The following LSM8 variants were observed in gnomAD, a reference collection of about 807,000 sequenced individuals.
The protein encoded by LSM8 is LSM8 homolog, U6 small nuclear RNA associated, also known as LSM8 U6 small nuclear RNA associated.
In LSM8, 14 loss-of-function variants were observed where a neutral mutation model predicts 15.0. The observed-to-expected ratio is 0.93, with a 90% CI of 0.62 to 1.46. The LOEUF is 1.46. LSM8 is among the 40% of genes most tolerant of loss of function. The pLI, the probability that LSM8 is intolerant of heterozygous loss-of-function variation, is 0.00. For missense variants in LSM8, 90 were observed against 115.4 expected, an observed-to-expected ratio of 0.78 and a Z score of 1.01; for synonymous variants, 50 against 42.1, an observed-to-expected ratio of 1.19 and a Z score of -0.73.
At position 118,198,506 on chromosome 7, in the gene LSM8, T is replaced by C. The variant is rs1357683895; in HGVS notation, c.*6504T>C. 6.6e-6 allele frequency among the ~76,000 whole-genome samples: 1 copy of C among 152,174 alleles called. No individual in the cohort carries two copies. Among genetic ancestry groups the C allele is most frequent in the African/African-American group, 2.4e-5 (1 of 41,452 alleles). On this transcript the variant is annotated 3_prime_UTR_variant, in exon 4 of 4. Transcript: ENST00000249299. Reference sequence around the variant, plus strand: ...ATGACATGCCCGGTAAACTGGTGTTTGAAGGCAATATATAAAAGCTTCCCA... The same window carrying C: ...ATGACATGCCCGGTAAACTGGTGTTCGAAGGCAATATATAAAAGCTTCCCA...
At position 118,202,275 on chromosome 7, in the gene LSM8, G is replaced by C. The variant is rs1809183177; in HGVS notation, c.*10273G>C. ...AGTACATCAGTTAGAATGGTATTTGGCTATAAGCACTGGAAACTCTGACTG... is the reference window on the plus strand; with the variant it reads ...AGTACATCAGTTAGAATGGTATTTGCCTATAAGCACTGGAAACTCTGACTG... On this transcript the variant is annotated 3_prime_UTR_variant, in exon 4 of 4. Transcript: ENST00000249299. Among the ~76,000 whole-genome samples, 1 of 152,014 alleles carries C rather than the reference G, an allele frequency of 6.6e-6. No homozygotes were observed. Among genetic ancestry groups the C allele is most frequent in the Non-Finnish European group, 1.5e-5 (1 of 67,944 alleles).
intron 1 of LSM8, chr7:118,185,103 G>A (rs1356751829): frequency 6.6e-6 from 1 of 151,978 alleles, no homozygotes; most frequent in African/African-American, 2.4e-5. Context: ...ATAATAGATT[G>A]GTAACCTTCC....
At chr7:118,188,127 A>G (rs1159696135) in intron 2 of LSM8, 151 bp from the exon 3 acceptor site, 2 of 786,574 alleles carry the variant, frequency 2.5e-6, no homozygotes, top group Non-Finnish European at 2.0e-6. Flanking sequence ...TGTACCCTCG[A>G]ATACTGTTGG....
chr7:118,186,579 T>C lies in LSM8; in HGVS notation c.72+885T>C, dbSNP rs183044686. ...TTATATCATGTGCCAGGTGCATATA[T>C]GTTACATTATTTAATGTACAGTAAA... On this transcript the variant is annotated intron_variant, in intron 2 of 3. Coordinates refer to ENST00000249299, the MANE Select transcript of LSM8 (RefSeq NM_016200.5). 3.7e-3 allele frequency among the ~76,000 whole-genome samples: 559 copies of C among 152,350 alleles called. 13 individuals are homozygous for C. The highest frequency in any genetic ancestry group is 1.1e-3 in the Non-Finnish European group (75 of 68,034).
In LSM8 at chr7:118,194,705, A is replaced by G. The variant is rs1365190360; in HGVS notation, c.*2703A>G. ...AGATTCATCATGGGAATGAGAAAGTAAAGGCCCTTTGTAATGGCATGTGAA... is the reference window on the plus strand; with the variant it reads ...AGATTCATCATGGGAATGAGAAAGTGAAGGCCCTTTGTAATGGCATGTGAA... On this transcript the variant is annotated 3_prime_UTR_variant, in exon 4 of 4. Transcript: ENST00000249299. Among the ~76,000 whole-genome samples, 7 of 152,176 alleles carry G rather than the reference A, an allele frequency of 4.6e-5. No individual in the cohort carries two copies. The highest frequency in any genetic ancestry group is 8.8e-5 in the Non-Finnish European group (6 of 68,024).
chr7:118,199,275 TAGTG>T lies in LSM8; in HGVS notation c.*7276_*7279del, dbSNP rs1407730833. 6.6e-6 allele frequency among the ~76,000 whole-genome samples: 1 copy of T among 152,172 alleles called. No homozygotes were observed. Among genetic ancestry groups the T allele is most frequent in the Non-Finnish European group, 1.5e-5 (1 of 68,028 alleles). ...TCTAAATAAAATTTTCATTGAAAAT[TAGTG>T]AGAAGGGAAGAGATGGCCTTCAATA... On this transcript the variant is annotated 3_prime_UTR_variant, in exon 4 of 4. Coordinates refer to ENST00000249299, the MANE Select transcript of LSM8 (RefSeq NM_016200.5).
chr7:118,192,074 GT>G lies in LSM8; in HGVS notation c.*77del. 9.0e-7 allele frequency: 1 copy of G among 1,110,576 alleles called. No individual in the cohort carries two copies. The highest frequency in any genetic ancestry group is 1.6e-5 in the South Asian group (1 of 62,432). The allele number at this position is 1,110,576 out of a possible 1,614,324, so 68.8% of individuals were successfully genotyped here. A position where few individuals can be genotyped will look rare whatever the true frequency, so the allele number is the denominator to read the frequency against. On this transcript the variant is annotated 3_prime_UTR_variant, in exon 4 of 4. Coordinates refer to ENST00000249299, the MANE Select transcript of LSM8 (RefSeq NM_016200.5). ...GATTATTCTGAGGATGATATATGGAGTTTTTATGAGTGTGTCACTGGATTTT... is the reference window on the plus strand; with the variant it reads ...GATTATTCTGAGGATGATATATGGAGTTTTATGAGTGTGTCACTGGATTTT...
Position 118,184,238 on chromosome 7 carries a change from GGAGA to G in LSM8, c.16_19del (p.Glu6ThrfsTer16). The G allele has an allele frequency of 6.5e-7, 1 of 1,540,632 alleles. No homozygotes were observed. The highest frequency in any genetic ancestry group is 2.5e-5 in the East Asian group (1 of 39,236). On this transcript the variant is annotated frameshift_variant, in exon 1 of 4. Transcript: ENST00000249299. LOFTEE classifies it high-confidence loss of function. ...GGCCGAACAGCATGACGTCCGCTTT[GGAGA>G]ACTACATCAACCGTATCCTCAAGCT...
chr7:118,192,153 T>C lies in LSM8; in HGVS notation c.*151T>C. On this transcript the variant is annotated 3_prime_UTR_variant, in exon 4 of 4. Transcript: ENST00000249299. ...TAAATTAAAATATTTCTACATTTTA[T>C]TGAAAAAAAAACCTTTTTTTTTGCC... 1 of 494,636 alleles carries C rather than the reference T, an allele frequency of 2.0e-6. No homozygotes were observed. The highest frequency in any genetic ancestry group is 3.2e-6 in the Non-Finnish European group (1 of 312,026). The allele number at this position is 494,636 out of a possible 1,614,324, so 30.6% of individuals were successfully genotyped here.
At chr7:118,188,207 T>C (rs1306647796) in intron 2 of LSM8, 71 bp from the exon 3 acceptor site, 18 of 1,540,570 alleles carry the variant, frequency 1.2e-5, no homozygotes, top group South Asian at 3.4e-5. Flanking sequence ...CTAAAATGAC[T>C]GTGAGGTTAA....
At position 118,193,593 on chromosome 7, in the gene LSM8, C is replaced by T. The variant is rs1482758662; in HGVS notation, c.*1591C>T. Among the ~76,000 whole-genome samples, 1 of 151,470 alleles carries T rather than the reference C, an allele frequency of 6.6e-6. No homozygotes were observed. ...GTATTGGCTATTCATAAGTACTTGA[C>T]TTGTAGTATAATGTTTTATAATCAA... On this transcript the variant is annotated 3_prime_UTR_variant, in exon 4 of 4. Coordinates refer to ENST00000249299, the MANE Select transcript of LSM8 (RefSeq NM_016200.5).
intron 3 of LSM8, chr7:118,190,344 A>G (rs971611513): frequency 2.0e-5 from 3 of 152,184 alleles, no homozygotes; most frequent in Non-Finnish European, 4.4e-5. Flanking sequence ...GTGCATAGTA[A>G]TTGATTTTAA....
Position 118,201,159 on chromosome 7 carries a change from GAATCAGATGTTTCATTAACTGTTAGC to G in LSM8, c.*9159_*9184del, listed in dbSNP as rs1229271575. Reference sequence around the variant, plus strand: ...ATTGTAAATAACCATTATCTTTACTGAATCAGATGTTTCATTAACTGTTAGCAGTTATTTCGAGTTATTTATATATC... The same window carrying G: ...ATTGTAAATAACCATTATCTTTACTGAGTTATTTCGAGTTATTTATATATC... On this transcript the variant is annotated 3_prime_UTR_variant, in exon 4 of 4. Transcript: ENST00000249299. Among the ~76,000 whole-genome samples the G allele has an allele frequency of 6.6e-6, 1 of 151,958 alleles. No individual in the cohort carries two copies. Among genetic ancestry groups the G allele is most frequent in the Non-Finnish European group, 1.5e-5 (1 of 67,962 alleles).
rs979653 is a variant in LSM8 at position 118,197,866 on chromosome 7, T to C, written c.*5864T>C. Among the ~76,000 whole-genome samples, 10,432 of 152,234 alleles carry C rather than the reference T, an allele frequency of 0.069. 387 individuals are homozygous for C. The highest frequency in any genetic ancestry group is 0.11 in the East Asian group (567 of 5,180). Reference sequence around the variant, plus strand: ...AGTTGCTATGAAAATGAGTACCTGCTTCCTTGTACTGTCAAGATTAAGATA... The same window carrying C: ...AGTTGCTATGAAAATGAGTACCTGCCTCCTTGTACTGTCAAGATTAAGATA... On this transcript the variant is annotated 3_prime_UTR_variant, in exon 4 of 4. Coordinates refer to ENST00000249299, the MANE Select transcript of LSM8 (RefSeq NM_016200.5).
At position 118,193,900 on chromosome 7, in the gene LSM8, T is replaced by G. The variant is rs1809031425; in HGVS notation, c.*1898T>G. 6.6e-6 allele frequency among the ~76,000 whole-genome samples: 1 copy of G among 152,118 alleles called. No homozygotes were observed. The highest frequency in any genetic ancestry group is 1.5e-5 in the Non-Finnish European group (1 of 67,958). ...AATGGGTTTCTAATGTGATGTATTC[T>G]TGCAATCTGAAACACCTTATAAAGC... is the stretch of plus-strand genomic sequence containing the variant. On this transcript the variant is annotated 3_prime_UTR_variant, in exon 4 of 4. Transcript: ENST00000249299.
rs1483920254 is a variant in LSM8, at chr7:118,192,980, C to T, written c.*978C>T. Among the ~76,000 whole-genome samples, 2 of 152,124 alleles carry T rather than the reference C, an allele frequency of 1.3e-5. No individual in the cohort carries two copies. The highest frequency in any genetic ancestry group is 2.9e-5 in the Non-Finnish European group (2 of 67,988). On this transcript the variant is annotated 3_prime_UTR_variant, in exon 4 of 4. Transcript: ENST00000249299. ...TAGTCCATAAAATTTCTGATCAACT[C>T]ATGTATAGGCCCAAGTGTGTGTCTT...
chr7:118,197,848 A>G lies in LSM8; in HGVS notation c.*5846A>G, dbSNP rs958748309. Among the ~76,000 whole-genome samples the G allele has an allele frequency of 2.0e-5, 3 of 152,198 alleles. No homozygotes were observed. Among genetic ancestry groups the G allele is most frequent in the East Asian group, 1.9e-4 (1 of 5,190 alleles). On this transcript the variant is annotated 3_prime_UTR_variant, in exon 4 of 4. Transcript: ENST00000249299. ...TTAATCTTACCATGTCTTAGTTGCTATGAAAATGAGTACCTGCTTCCTTGT... is the reference window on the plus strand; with the variant it reads ...TTAATCTTACCATGTCTTAGTTGCTGTGAAAATGAGTACCTGCTTCCTTGT...
At position 118,203,754 on chromosome 7, in the gene LSM8, C is replaced by CATA. The variant is rs1809205922; in HGVS notation, c.*11755_*11757dup. Among the ~76,000 whole-genome samples, 1 of 151,742 alleles carries CATA rather than the reference C, an allele frequency of 6.6e-6. No homozygotes were observed. Among genetic ancestry groups the CATA allele is most frequent in the East Asian group, 1.9e-4 (1 of 5,190 alleles). On this transcript the variant is annotated 3_prime_UTR_variant, in exon 4 of 4. Coordinates refer to ENST00000249299, the MANE Select transcript of LSM8 (RefSeq NM_016200.5). ...TAACAGTTTAGTTGAGAAAATAAAT[C>CATA]ATAATTTGTGATTTCAAACATTTAA...
In LSM8 at chr7:118,185,666, T is replaced by C; in HGVS notation, c.44T>C (p.Val15Ala). ...LENYINRTVA[V>A]ITSDGRMIVG... The stretch of plus-strand genomic sequence containing the variant: ...ATTCAGTTATCAGGAACTGTTGCCG[T>C]TATTACATCAGATGGGAGAATGATT... Residue 15 changes from valine (V) to alanine (A), a missense_variant, in exon 2 of 4, where the codon GTT (valine) becomes GCT (alanine). Transcript: ENST00000249299. 3 of 1,611,176 alleles carry C rather than the reference T, an allele frequency of 1.9e-6. No individual in the cohort carries two copies. The highest frequency in any genetic ancestry group is 2.5e-6 in the Non-Finnish European group (3 of 1,177,498).
Sources: gnomAD v4.1 joint callset for allele counts (sites outside exome capture counted in the v4.1 genomes callset) on GRCh38, gnomAD v4.1.1 for gene constraint, MANE v1.5 for transcripts, NCBI Gene and HGNC (gene_info 2026-07-23, HGNC 2026-07-21) for gene names.